ZFHX3: variants seen among roughly 807,000 people sequenced by gnomAD.
ZFHX3 encodes the protein zinc finger homeobox protein 3.
A neutral mutation model predicts 279.1 loss-of-function variants in ZFHX3; 42 were observed. That is an observed-to-expected ratio of 0.15 (90% CI 0.12 to 0.19). ZFHX3 has a LOEUF of 0.19. Among genes scored for constraint, ZFHX3 ranks in the 10% least tolerant of loss-of-function variants. ZFHX3 has a pLI of 1.00. For missense variants in ZFHX3, 4,981 were observed against 4,754.0 expected, an observed-to-expected ratio of 1.05 and a Z score of -1.40; for synonymous variants, 2,293 against 1,957.8, an observed-to-expected ratio of 1.17 and a Z score of -4.52.
At chr16:73,870,436 C>T (rs1262507236) in intron 1 of ZFHX3, among the ~76,000 whole-genome samples, 1 of 152,140 alleles carries the variant, frequency 6.6e-6, no homozygotes, top group African/African-American at 2.4e-5. Flanking sequence ...GAGAGAGAAA[C>T]CAAAACGAGG....
intron 4 of ZFHX3, among the ~76,000 whole-genome samples, chr16:73,268,366 T>A (rs1305901811): frequency 2.6e-5 from 4 of 152,166 alleles, no homozygotes; most frequent in South Asian, 2.1e-4. Context: ...GAATGCTGAG[T>A]GCATTGCAGG....
chr16:73,824,080 G>C (rs1199275748), intron 1 of ZFHX3, among the ~76,000 whole-genome samples: 1 of 152,156 alleles, frequency 6.6e-6, no homozygotes, highest in Non-Finnish European at 1.5e-5. Context: ...CGAAAACGAT[G>C]TGCTCAAATC....
intron 1 of ZFHX3, among the ~76,000 whole-genome samples, chr16:73,751,545 ATGTT>A (rs1300223564): frequency 2.0e-5 from 3 of 152,140 alleles, no homozygotes; most frequent in African/African-American, 4.8e-5. Context: ...GTGTGTATAT[ATGTT>A]TATGTACATA....
intron 2 of ZFHX3, among the ~76,000 whole-genome samples, chr16:73,464,995 G>A (rs972288924): frequency 6.6e-6 from 1 of 152,240 alleles, no homozygotes; most frequent in African/African-American, 2.4e-5. Context: ...ACATGGGCAG[G>A]CAGGCTGGAT....
chr16:73,842,216 C>CA lies in ZFHX3; in HGVS notation c.-1608+49434dup, dbSNP rs368573053. Among the ~76,000 whole-genome samples the CA allele has an allele frequency of 4.2e-3, 584 of 138,198 alleles. 9 individuals carry two copies. Among genetic ancestry groups the CA allele is most frequent in the East Asian group, 0.034 (165 of 4,816 alleles). The allele number at this position is 138,198 out of a possible 152,430, so 90.7% of individuals were successfully genotyped here. A position where few individuals can be genotyped will look rare whatever the true frequency, so the allele number is the denominator to read the frequency against. On this transcript the variant is annotated intron_variant, in intron 1 of 17. Coordinates refer to the ZFHX3 transcript ENST00000641206. ...GGGCAACAAGAGCGAAACTCCATCT[C>CA]AAAAAAAAAAAGAAAGACAGAAAGA...
intron 2 of ZFHX3, among the ~76,000 whole-genome samples, chr16:73,589,717 G>C (rs1251380291): frequency 9.7e-6 from 1 of 103,406 alleles, no homozygotes; most frequent in African/African-American, 3.7e-5. Context: ...CTGGGTGACA[G>C]AGCGAGACTC....
Position 73,441,545 on chromosome 16 carries a change from A to G in ZFHX3, c.-1291+14458T>C, listed in dbSNP as rs2018092490. On this transcript the variant is annotated intron_variant, in intron 3 of 17. Coordinates refer to the ZFHX3 transcript ENST00000641206. The stretch of plus-strand genomic sequence containing the variant: ...AAAACCTGCCTCCCAAGAGCTTCCA[A>G]TTTAGTTGGGGTAATAATGATTCAC... Among the ~76,000 whole-genome samples the G allele has an allele frequency of 3.3e-5, 5 of 152,124 alleles. No homozygotes were observed. The South Asian group carries it at 1.0e-3, about 32-fold the overall frequency.
intron 3 of ZFHX3, among the ~76,000 whole-genome samples, chr16:73,338,253 G>A (rs116821062): frequency 0.02 from 3,039 of 152,080 alleles, 109 homozygotes; most frequent in African/African-American, 0.069. Flanking sequence ...AGCCCCTAAG[G>A]AGTCTTGTCA....
chr16:72,979,928 A>G (rs189549886), intron 1 of ZFHX3, among the ~76,000 whole-genome samples: 25 of 152,234 alleles, frequency 1.6e-4, no homozygotes, highest in African/African-American at 5.1e-4. Flanking sequence ...AATGTCCAAG[A>G]GAAAAAAAAA....
chr16:73,588,619 G>A (rs1385070035), intron 2 of ZFHX3, among the ~76,000 whole-genome samples: 3 of 151,564 alleles, frequency 2.0e-5, no homozygotes, highest in Non-Finnish European at 4.4e-5. Flanking sequence ...GAACCTGGGA[G>A]GCCGAGCTTG....
chr16:73,339,254 T>C (rs1413566975), intron 3 of ZFHX3, among the ~76,000 whole-genome samples: 1 of 152,156 alleles, frequency 6.6e-6, no homozygotes. Context: ...TGTGCAACTT[T>C]TTCTTCTTCA....
At chr16:73,594,281 T>C (rs1421529893) in intron 2 of ZFHX3, among the ~76,000 whole-genome samples, 1 of 152,100 alleles carries the variant, frequency 6.6e-6, no homozygotes, top group Admixed American at 6.5e-5. Flanking sequence ...CATCTAGAAA[T>C]AAATCTAAAC....
intron 3 of ZFHX3, among the ~76,000 whole-genome samples, chr16:73,332,853 A>T (rs1429626038): frequency 6.6e-6 from 1 of 152,232 alleles, no homozygotes; most frequent in Non-Finnish European, 1.5e-5. Context: ...AGAGAAACTG[A>T]GACATAGTGA....
intron 4 of ZFHX3, among the ~76,000 whole-genome samples, chr16:73,263,820 C>G (rs1195079973): frequency 6.6e-6 from 1 of 152,186 alleles, no homozygotes. Context: ...AGGTGCTTAT[C>G]TGGCACTGGC....
At chr16:73,536,546 C>T (rs1377191375) in intron 2 of ZFHX3, among the ~76,000 whole-genome samples, 1 of 152,204 alleles carries the variant, frequency 6.6e-6, no homozygotes, top group East Asian at 1.9e-4. Context: ...TAATTGTAAC[C>T]TAAGTCAAAG....
intron 1 of ZFHX3, among the ~76,000 whole-genome samples, chr16:73,755,633 C>G (rs1340319234): frequency 6.6e-6 from 1 of 152,160 alleles, no homozygotes; most frequent in African/African-American, 2.4e-5. Context: ...CAGGCATCAA[C>G]TGGGAATTGT....
intron 5 of ZFHX3, among the ~76,000 whole-genome samples, chr16:73,193,663 A>G (rs1682510481): frequency 6.6e-6 from 1 of 152,176 alleles, no homozygotes; most frequent in African/African-American, 2.4e-5. Context: ...AGGAGCCTTT[A>G]GTCAAGAGGC....
intron 7 of ZFHX3, among the ~76,000 whole-genome samples, chr16:73,100,174 A>G (rs544463858): frequency 6.6e-6 from 1 of 152,218 alleles, no homozygotes; most frequent in Admixed American, 6.5e-5. Context: ...GTTTTGTTCC[A>G]TTTCTTTTTC....
At chr16:73,048,637 G>C (rs1286297129), upstream of ZFHX3, among the ~76,000 whole-genome samples, 5 of 152,252 alleles carry the variant, frequency 3.3e-5, no homozygotes, top group Non-Finnish European at 5.9e-5. Context: ...CCTCCGAACC[G>C]GAGCCATCGC....
Sources: allele counts gnomAD v4.1 joint callset (sites outside exome capture counted in the v4.1 genomes callset), GRCh38; gene constraint gnomAD v4.1.1; transcripts MANE v1.5; gene names NCBI Gene and HGNC (gene_info 2026-07-23, HGNC 2026-07-21).